The following CCSER2 variants were observed in gnomAD, a reference collection of about 807,000 sequenced individuals.
The protein encoded by CCSER2 is serine-rich coiled-coil domain-containing protein 2.
Under a neutral mutation model 92.3 loss-of-function variants are expected in CCSER2, and 46 were observed. The ratio of observed to expected loss-of-function variants is 0.50; its 90% CI spans 0.39 to 0.64. The LOEUF (loss-of-function observed/expected upper bound fraction) is 0.64. Among genes scored for constraint, CCSER2 ranks in the 30% least tolerant of loss-of-function variants. The pLI is 0.00. For synonymous variants in CCSER2, 433 were observed against 431.4 expected (o/e 1.00, Z -0.04); for missense variants, 1,244 against 1,238.9 (o/e 1.00, Z -0.06).
intron 9 of CCSER2, among the ~76,000 whole-genome samples, chr10:84,493,019 G>A (rs1848257176): frequency 6.6e-6 from 1 of 152,192 alleles, no homozygotes; most frequent in African/African-American, 2.4e-5. Context: ...TTATGGAAGA[G>A]ATAGTGTAGA....
Position 84,395,243 on chromosome 10 carries a change from G to A in CCSER2, c.1614+21428G>A, listed in dbSNP as rs1033630586. 1.4e-4 allele frequency among the ~76,000 whole-genome samples: 19 copies of A among 138,570 alleles called. No homozygotes were observed. The South Asian group carries it at 3.5e-3, about 25-fold the overall frequency. 90.9% of individuals were successfully genotyped at this position (138,570 alleles called of 152,430 possible). A position where few individuals can be genotyped will look rare whatever the true frequency, so the allele number is the denominator to read the frequency against. On this transcript the variant is annotated intron_variant, in intron 3 of 9. Transcript: ENST00000372088. ...TGTCTTAAAAAAAAAAAAAAAAAAA[G>A]AACAGAGTGTAATATGTTCCTTTTA... is the stretch of plus-strand genomic sequence containing the variant.
chr10:84,446,616 TA>T (rs111592064), intron 6 of CCSER2, among the ~76,000 whole-genome samples: 19,256 of 152,190 alleles, frequency 0.13, 1,491 homozygotes, highest in Admixed American at 0.23. Flanking sequence ...GAAATATTCA[TA>T]ATAAGAATAT....
At chr10:84,386,975 C>T (rs904862129) in intron 3 of CCSER2, among the ~76,000 whole-genome samples, 1 of 151,994 alleles carries the variant, frequency 6.6e-6, no homozygotes, top group African/African-American at 2.4e-5. Flanking sequence ...GAAAAATTAC[C>T]TATTGGGTAC....
At chr10:84,489,697 T>G (rs1469333161) in intron 9 of CCSER2, among the ~76,000 whole-genome samples, 5 of 152,244 alleles carry the variant, frequency 3.3e-5, no homozygotes, top group South Asian at 2.1e-4. Flanking sequence ...TTATCCAATT[T>G]GCCAGTCTGT....
chr10:84,508,250 T>C (rs529771094), intron 9 of CCSER2, among the ~76,000 whole-genome samples: 10 of 152,326 alleles, frequency 6.6e-5, no homozygotes, highest in African/African-American at 2.4e-4. Context: ...CTAGAGATCA[T>C]GCATGCAGAC....
At chr10:84,483,956 TATATATATATATATATATATA>T (rs1847622295) in intron 9 of CCSER2, among the ~76,000 whole-genome samples, 13 of 89,138 alleles carry the variant, frequency 1.5e-4, no homozygotes, top group Middle Eastern at 5.1e-3. Context: ...GGCTAATTTA[TATATATATATATATATATATA>T]TATATATATA....
chr10:84,488,728 GTC>G (rs1053182896), intron 9 of CCSER2, among the ~76,000 whole-genome samples: 1 of 151,976 alleles, frequency 6.6e-6, no homozygotes, highest in African/African-American at 2.4e-5. Context: ...GATTTTTTGT[GTC>G]TATTTCCTTC....
chr10:84,382,381 C>T (rs550481135), intron 3 of CCSER2, among the ~76,000 whole-genome samples: 18 of 152,258 alleles, frequency 1.2e-4, no homozygotes, highest in Admixed American at 9.8e-4. Context: ...AAGTAGTTTA[C>T]TACTTGTTAC....
At chr10:84,345,126 A>G (rs980075538) in intron 1 of CCSER2, among the ~76,000 whole-genome samples, 3 of 152,288 alleles carry the variant, frequency 2.0e-5, no homozygotes, top group African/African-American at 7.2e-5. Context: ...TAAAAAATGG[A>G]TTGAAGGGGA....
chr10:84,513,680 A>G lies in CCSER2; in HGVS notation c.2557A>G (p.Lys853Glu), dbSNP rs1236736747. The G allele has an allele frequency of 1.3e-6, 2 of 1,552,830 alleles. No homozygotes were observed. The highest frequency in any genetic ancestry group is 1.7e-6 in the Non-Finnish European group (2 of 1,152,928). ...CCCACAATTAACAATGGATGTGGCTAAGAGTACACCTTCTGAAGCAAACTT... is the reference window on the plus strand; with the variant it reads ...CCCACAATTAACAATGGATGTGGCTGAGAGTACACCTTCTGAAGCAAACTT... Reference protein sequence around the residue: ...SGPQLTMDVAKSTPSEANLNI... With the variant: ...SGPQLTMDVAESTPSEANLNI... The change falls in exon 10 of 10, where the codon AAG becomes GAG. Residue 853 changes from lysine to glutamate, a missense_variant. Physicochemically the swap from Lys to Glu is moderately conservative, Grantham distance 56 (BLOSUM62 1). Coordinates refer to ENST00000372088, the MANE Select transcript of CCSER2 (RefSeq NM_001284240.2).
At position 84,466,471 on chromosome 10, in the gene CCSER2, C is replaced by T. The variant is rs563543314; in HGVS notation, c.2148+2455C>T. On this transcript the variant is annotated intron_variant, in intron 7 of 9. Coordinates refer to ENST00000372088, the MANE Select transcript of CCSER2 (RefSeq NM_001284240.2). ...TTGTTCATCCAGTAAATATCTTATG[C>T]TTCCTGCCTTCTTGCTTTCTTTTTT... Among the ~76,000 whole-genome samples, 199 of 151,566 alleles carry T rather than the reference C, an allele frequency of 1.3e-3. 3 individuals are homozygous for T. In the South Asian group the frequency reaches 0.038, roughly 29 times the overall value.
intron 9 of CCSER2, among the ~76,000 whole-genome samples, chr10:84,489,849 A>G (rs561349233): frequency 3.9e-5 from 6 of 152,238 alleles, no homozygotes; most frequent in Admixed American, 6.5e-5. Flanking sequence ...GGTGTTTACA[A>G]TTTGGCATGT....
At chr10:84,468,098 C>G (rs527819647) in intron 7 of CCSER2, among the ~76,000 whole-genome samples, 2 of 152,262 alleles carry the variant, frequency 1.3e-5, no homozygotes, top group East Asian at 3.9e-4. Context: ...AATTGCTTCT[C>G]AACATTAATC....
chr10:84,333,623 C>T (rs2132969498), intron 1 of CCSER2, among the ~76,000 whole-genome samples: 1 of 152,314 alleles, frequency 6.6e-6, no homozygotes, highest in Non-Finnish European at 1.5e-5. Context: ...GGAGATTGCT[C>T]ATGTGACAAT....
At chr10:84,365,994 G>T (rs1845757303) in intron 1 of CCSER2, among the ~76,000 whole-genome samples, 1 of 152,204 alleles carries the variant, frequency 6.6e-6, no homozygotes, top group Admixed American at 6.5e-5. Context: ...CAGTTGTCTG[G>T]CATGGATATT....
intron 9 of CCSER2, among the ~76,000 whole-genome samples, chr10:84,483,956 TATATATATATATATA>T (rs1564711457): frequency 0.014 from 1,216 of 89,150 alleles, 41 homozygotes; most frequent in African/African-American, 0.069. Context: ...GGCTAATTTA[TATATATATATATATA>T]TATATATATA....
intron 6 of CCSER2, among the ~76,000 whole-genome samples, chr10:84,457,265 TTATATATAA>T (rs1845709400): frequency 2.0e-4 from 6 of 29,564 alleles, no homozygotes; most frequent in South Asian, 2.0e-3. Context: ...ATAAAATATA[TTATATATAA>T]TATATTATAT....
At chr10:84,444,744 A>T (rs1351851045) in intron 6 of CCSER2, among the ~76,000 whole-genome samples, 2 of 152,228 alleles carry the variant, frequency 1.3e-5, no homozygotes, top group Non-Finnish European at 2.9e-5. Context: ...AGTTCACTTG[A>T]AAAAAGTTCT....
At chr10:84,370,930 A>T (rs1846027089) in intron 1 of CCSER2, 84 bp from the exon 2 acceptor site, 1 of 605,024 alleles carries the variant, frequency 1.7e-6, no homozygotes, top group Admixed American at 3.8e-5. Context: ...CTGCGTATAA[A>T]AGTGTAAGTA....
Sources: allele counts gnomAD v4.1 joint callset (sites outside exome capture counted in the v4.1 genomes callset), GRCh38; gene constraint gnomAD v4.1.1; transcripts MANE v1.5; gene names NCBI Gene and HGNC (gene_info 2026-07-23, HGNC 2026-07-21).